DNAH2: variants seen among roughly 807,000 people sequenced by gnomAD.
DNAH2 encodes dynein axonemal heavy chain 2.
A neutral mutation model predicts 523.5 loss-of-function variants in DNAH2; 323 were observed. That is an observed-to-expected ratio of 0.62 (90% CI 0.56 to 0.68). The LOEUF (loss-of-function observed/expected upper bound fraction) is 0.68. DNAH2 is among the 30% of genes least tolerant of loss of function. The pLI is 0.00. For missense variants in DNAH2, 4,907 were observed against 5,701.5 expected, an observed-to-expected ratio of 0.86 and a Z score of 4.49; for synonymous variants, 2,093 against 2,177.4, an observed-to-expected ratio of 0.96 and a Z score of 1.08.
At chr17:7,799,599 G>T (rs185118213) in intron 56 of DNAH2, among the ~76,000 whole-genome samples, 36 of 152,172 alleles carry the variant, frequency 2.4e-4, no homozygotes, top group Non-Finnish European at 1.3e-4. Context: ...GGTGGATCAC[G>T]AGATCAGGAG....
chr17:7,755,214 G>T (rs1276207744), intron 12 of DNAH2, among the ~76,000 whole-genome samples: 1 of 152,186 alleles, frequency 6.6e-6, no homozygotes, highest in Non-Finnish European at 1.5e-5. Flanking sequence ...GAAAGGATTT[G>T]CAGGTAGTGA....
Position 7,823,836 on chromosome 17 carries a change from G to A in DNAH2, c.11332G>A (p.Glu3778Lys). The A allele has an allele frequency of 6.2e-7, 1 of 1,613,998 alleles. No individual in the cohort carries two copies. The highest frequency in any genetic ancestry group is 8.5e-7 in the Non-Finnish European group (1 of 1,179,948). Residue 3778 changes from glutamate (E) to lysine (K), a missense_variant and splice_region_variant, in exon 75 of 86, where the codon GAG becomes AAG. Around this residue, in one of 3 missense-constraint regions of DNAH2, gnomAD observed 1,851 missense variants for 2,139.4 expected, o/e 0.87. Coordinates refer to ENST00000572933, the MANE Select transcript of DNAH2 (RefSeq NM_020877.5). ...AAPEKAMLPG[E>K]WENACNEMQR... ...GCAATGACTCACCTCATCCCCAGGT[G>A]AGTGGGAAAATGCCTGCAATGAAAT...
intron 52 of DNAH2, 48 bp downstream of exon 52, chr17:7,797,578 C>G: frequency 6.2e-7 from 1 of 1,613,984 alleles, no homozygotes. Context: ...CTTAGAACAT[C>G]GGGGCTAGAA....
chr17:7,791,899 T>G lies in DNAH2; in HGVS notation c.6901-18T>G. On this transcript the variant is annotated intron_variant, in intron 44 of 85. Coordinates refer to ENST00000572933, the MANE Select transcript of DNAH2 (RefSeq NM_020877.5). ...TCTCTTACAGGTGGGTTATTTCCTC[T>G]TCTCGTTCTCCATCCAGGTGAACCC... 6.2e-7 allele frequency: 1 copy of G among 1,610,704 alleles called. No homozygotes were observed. Among genetic ancestry groups the G allele is most frequent in the Non-Finnish European group, 8.5e-7 (1 of 1,178,298 alleles).
intron 4 of DNAH2, among the ~76,000 whole-genome samples, chr17:7,727,499 A>AT (rs1286231859): frequency 3.3e-5 from 5 of 152,162 alleles, no homozygotes; most frequent in Non-Finnish European, 5.9e-5. Context: ...CACGCCTGTA[A>AT]TCCCATCACT....
At chr17:7,793,529 T>C (rs2076978485) in intron 48 of DNAH2, among the ~76,000 whole-genome samples, 1 of 141,622 alleles carries the variant, frequency 7.1e-6, no homozygotes, top group Non-Finnish European at 1.6e-5. Context: ...TCTTTCTCTT[T>C]CTTTCTTTTT....
At position 7,759,965 on chromosome 17, in the gene DNAH2, G is replaced by A. The variant is rs914131265; in HGVS notation, c.2785+27G>A. ...TGAGTGGGCAACGGGGAGGGCACAAGGCACAGGGTTTCAGAGGCTGTCGAG... is the reference window on the plus strand; with the variant it reads ...TGAGTGGGCAACGGGGAGGGCACAAAGCACAGGGTTTCAGAGGCTGTCGAG... On this transcript the variant is annotated intron_variant, in intron 17 of 85. Transcript: ENST00000572933. 2.5e-6 allele frequency: 4 copies of A among 1,613,982 alleles called. No individual in the cohort carries two copies. In the African/African-American group the frequency reaches 5.3e-5, roughly 22 times the overall value.
chr17:7,769,274 G>T (rs1249823060), intron 24 of DNAH2, among the ~76,000 whole-genome samples: 1 of 152,084 alleles, frequency 6.6e-6, no homozygotes, highest in African/African-American at 2.4e-5. Context: ...CAATTCTTGT[G>T]CCTCAGCCTC....
At chr17:7,769,705 A>G (rs1178991445) in intron 24 of DNAH2, among the ~76,000 whole-genome samples, 1 of 152,236 alleles carries the variant, frequency 6.6e-6, no homozygotes, top group Non-Finnish European at 1.5e-5. Context: ...ATAGATTTAT[A>G]AAAATAAAGT....
chr17:7,741,297 C>CTTTCTTT (rs1491588292), intron 11 of DNAH2, among the ~76,000 whole-genome samples: 3,129 of 61,092 alleles, frequency 0.051, 333 homozygotes, highest in East Asian at 0.055. Flanking sequence ...TTTCTTTCTT[C>CTTTCTTT]CTTCCTTCCC....
At chr17:7,766,640 C>CTTTT (rs58072098) in intron 22 of DNAH2, among the ~76,000 whole-genome samples, 159 bp downstream of exon 22, 1,508 of 84,452 alleles carry the variant, frequency 0.018, 44 homozygotes, top group Non-Finnish European at 0.026. Flanking sequence ...AAAATTAATC[C>CTTTT]TTTTTTTTTT....
In DNAH2 at chr17:7,831,918, C is replaced by T. The variant is rs1022041917; in HGVS notation, c.12726+143C>T. Reference sequence around the variant, plus strand: ...AAGTTAGATAGGTTCAAGGTTAAAACCTGGCTCTGCCATTCATTGACTGAC... The same window carrying T: ...AAGTTAGATAGGTTCAAGGTTAAAATCTGGCTCTGCCATTCATTGACTGAC... On this transcript the variant is annotated intron_variant, in intron 82 of 85. Coordinates refer to ENST00000572933, the MANE Select transcript of DNAH2 (RefSeq NM_020877.5). This position sits in a 1 kb window ranked among gnomAD's most constrained non-coding sequence, Gnocchi z 4.2. 2.4e-5 allele frequency: 16 copies of T among 675,250 alleles called. No individual in the cohort carries two copies. Among genetic ancestry groups the T allele is most frequent in the Non-Finnish European group, 3.4e-5 (14 of 406,124 alleles). 41.8% of individuals were successfully genotyped at this position (675,250 alleles called of 1,614,324 possible). A position where few individuals can be genotyped will look rare whatever the true frequency, so the allele number is the denominator to read the frequency against.
rs62059690 is a variant in DNAH2 at position 7,793,518 on chromosome 17, C to T, written c.7569+313C>T. ...TTCTTTCTTTCTTTCTTTCTTTCTT[C>T]TCTTTCTCTTTCTTTCTTTTTCTTT... On this transcript the variant is annotated intron_variant, in intron 48 of 85. Transcript: ENST00000572933. Among the ~76,000 whole-genome samples the T allele has an allele frequency of 9.3e-5, 7 of 75,276 alleles. No individual in the cohort carries two copies. In the East Asian group the frequency reaches 2.2e-3, roughly 24 times the overall value. 49.4% of individuals were successfully genotyped at this position (75,276 alleles called of 152,430 possible).
rs397977899 is a variant in DNAH2 at position 7,744,293 on chromosome 17, C to CAAA, written c.1904+1174_1904+1176dup. Among the ~76,000 whole-genome samples the CAAA allele has an allele frequency of 8.4e-3, 313 of 37,064 alleles. 5 individuals carry two copies. The highest frequency in any genetic ancestry group is 0.029 in the African/African-American group (299 of 10,260). 24.3% of individuals were successfully genotyped at this position (37,064 alleles called of 152,430 possible). ...TGGGCGACAGAGTGAGTCTCCGTCTCAAAAAAAAAAAAAAAAAAAAAAAAA... is the reference window on the plus strand; with the variant it reads ...TGGGCGACAGAGTGAGTCTCCGTCTCAAAAAAAAAAAAAAAAAAAAAAAAAAAA... On this transcript the variant is annotated intron_variant, in intron 12 of 85. Transcript: ENST00000572933.
rs75467626 is a variant in DNAH2, at chr17:7,777,488, T to C, written c.5101T>C (p.Leu1701=). 61 of 1,614,170 alleles carry C rather than the reference T, an allele frequency of 3.8e-5. No homozygotes were observed. The African/African-American group carries it at 7.2e-4, about 19-fold the overall frequency. ...GTATTCAGAAGCCATCAGGGGGAAC[T>C]TGACCAAGATCATGCGGCTTAAAAT... The part of the protein sequence containing the change: ...NKYSEAIRGN[L]TKIMRLKIVA... The change falls in exon 33 of 86, where the codon TTG becomes CTG. Residue 1701 remains leucine, a synonymous_variant. Transcript: ENST00000572933.
rs757953912 is a variant in DNAH2, at chr17:7,734,690, A to G, written c.960A>G (p.Lys320=). 1.2e-6 allele frequency: 2 copies of G among 1,612,128 alleles called. No individual in the cohort carries two copies. The highest frequency in any genetic ancestry group is 2.2e-5 in the South Asian group (2 of 90,750). Residue 320 remains lysine (K), a synonymous_variant, in exon 7 of 86, where the codon AAA becomes AAG. Coordinates refer to ENST00000572933, the MANE Select transcript of DNAH2 (RefSeq NM_020877.5). ...AKSSYLAPFM[K]LAQQIQDGSR... is the part of the protein sequence containing the mutation. The stretch of plus-strand genomic sequence containing the variant: ...CGTCCTACTTGGCGCCCTTTATGAA[A>G]CTGGCACAGCAGATCCAGGTTTGTG...
rs1269731693 is a variant in DNAH2 at position 7,830,522 on chromosome 17, C to T, written c.12045+31C>T. 6 of 1,610,890 alleles carry T rather than the reference C, an allele frequency of 3.7e-6. No homozygotes were observed. In the East Asian group the frequency reaches 1.1e-4, roughly 30 times the overall value. ...CATTAGCCAGGGGTCCTCATCCCAG[C>T]CCTCTCTCCTTACACGTCCTACCCC... is the stretch of plus-strand genomic sequence containing the variant. On this transcript the variant is annotated intron_variant, in intron 78 of 85. Coordinates refer to ENST00000572933, the MANE Select transcript of DNAH2 (RefSeq NM_020877.5).
In DNAH2 at chr17:7,792,827, C is replaced by T. The variant is rs1003228410; in HGVS notation, c.7316C>T (p.Ser2439Leu). 1.1e-5 allele frequency: 18 copies of T among 1,613,996 alleles called. No homozygotes were observed. The highest frequency in any genetic ancestry group is 5.5e-5 in the South Asian group (5 of 91,058). The change falls in exon 47 of 86, where the codon TCG (serine) becomes TTG (leucine). Residue 2439 changes from serine to leucine, a missense_variant. Transcript: ENST00000572933. ...CAGTCCCTGCCCTCCAGCCAGTGGT[C>T]GGTGCTCGTTGTCAACATGTCCGCA... ...VLQSLPSSQW[S>L]VLVVNMSAQT...
At chr17:7,753,009 G>T (rs893811430) in intron 12 of DNAH2, among the ~76,000 whole-genome samples, 1 of 152,130 alleles carries the variant, frequency 6.6e-6, no homozygotes, top group African/African-American at 2.4e-5. Context: ...CTTTCTTCGC[G>T]GGAGCATGTC....
Sources: allele counts gnomAD v4.1 joint callset (sites outside exome capture counted in the v4.1 genomes callset), GRCh38; gene constraint gnomAD v4.1.1; regional missense constraint gnomAD v4.1.1; non-coding constraint Gnocchi (gnomAD v3.1); transcripts MANE v1.5; gene names NCBI Gene and HGNC (gene_info 2026-07-23, HGNC 2026-07-21).